The following GLP2R variants were observed in gnomAD, a reference collection of about 807,000 sequenced individuals.
The protein encoded by GLP2R is glucagon-like peptide 2 receptor.
In GLP2R, 59 loss-of-function variants were observed where a neutral mutation model predicts 68.2. That is an observed-to-expected ratio of 0.87 (90% CI 0.70 to 1.07). The LOEUF (loss-of-function observed/expected upper bound fraction) is 1.07, where lower values mean the gene tolerates loss of function less well. Ranked by LOEUF, GLP2R falls within the 50% of genes least tolerant of loss-of-function variation. GLP2R has a pLI of 0.00. For missense variants in GLP2R, 548 were observed against 677.4 expected, an observed-to-expected ratio of 0.81 and a Z score of 2.12; for synonymous variants, 270 against 265.4, an observed-to-expected ratio of 1.02 and a Z score of -0.17.
In GLP2R at chr17:9,836,413, C is replaced by A. The variant is rs1271549616; in HGVS notation, c.320C>A (p.Pro107His). 2.5e-6 allele frequency: 4 copies of A among 1,612,070 alleles called. No homozygotes were observed. The highest frequency in any genetic ancestry group is 3.4e-6 in the Non-Finnish European group (4 of 1,178,216). Residue 107 changes from proline to histidine, a missense_variant, in exon 3 of 13, where the codon CCT becomes CAT. Coordinates refer to ENST00000262441, the MANE Select transcript of GLP2R (RefSeq NM_004246.3). ...NGTFDQYVCW[P>H]HSSPGNVSVP... is the part of the protein sequence containing the mutation. ...ACATTTGATCAGTACGTGTGTTGGC[C>A]TCATTCTTCTCCTGGAAATGTCTCT...
At chr17:9,848,573 G>T (rs1455751692) in intron 4 of GLP2R, among the ~76,000 whole-genome samples, 6 of 152,064 alleles carry the variant, frequency 3.9e-5, no homozygotes, top group African/African-American at 1.4e-4. Context: ...TGAAAACTGC[G>T]CTTTCAAAAA....
At chr17:9,826,953 C>T (rs1465063828) in intron 1 of GLP2R, among the ~76,000 whole-genome samples, 1 of 152,128 alleles carries the variant, frequency 6.6e-6, no homozygotes, top group Admixed American at 6.5e-5. Flanking sequence ...CTCACTGCAA[C>T]CTCTGCCTCC....
At chr17:9,868,479 G>T (rs1417902869) in intron 9 of GLP2R, among the ~76,000 whole-genome samples, 2 of 152,092 alleles carry the variant, frequency 1.3e-5, no homozygotes, top group Non-Finnish European at 2.9e-5. Context: ...ATATATTTGG[G>T]GTCCTTAGCA....
chr17:9,887,869 A>C, intron 11 of GLP2R, 63 bp from the exon 12 acceptor site: 1 of 1,229,594 alleles, frequency 8.1e-7, no homozygotes, highest in Non-Finnish European at 1.2e-6. Context: ...GGACGTTGCC[A>C]GTAACTCTCA....
At chr17:9,843,840 C>CA (rs2066810857) in intron 4 of GLP2R, among the ~76,000 whole-genome samples, 1 of 152,170 alleles carries the variant, frequency 6.6e-6, no homozygotes, top group Non-Finnish European at 1.5e-5. Context: ...GAAGCATATA[C>CA]GATGGGTTAG....
At chr17:9,864,483 T>G (rs1237492796) in intron 9 of GLP2R, among the ~76,000 whole-genome samples, 4 of 81,826 alleles carry the variant, frequency 4.9e-5, no homozygotes, top group Admixed American at 2.7e-4. Context: ...GTTTTTTCTG[T>G]TTTTTTGTTT....
chr17:9,831,956 A>G (rs1243420346), intron 1 of GLP2R, among the ~76,000 whole-genome samples: 1 of 152,214 alleles, frequency 6.6e-6, no homozygotes, highest in Non-Finnish European at 1.5e-5. Flanking sequence ...CAAAGACGAC[A>G]GACCAGAATG....
intron 1 of GLP2R, among the ~76,000 whole-genome samples, chr17:9,828,635 T>C (rs1490003846): frequency 2.0e-5 from 3 of 152,174 alleles, no homozygotes. Context: ...ATGGTTGCGT[T>C]CGATGCTGTA....
intron 1 of GLP2R, among the ~76,000 whole-genome samples, chr17:9,833,228 C>T (rs1319034908): frequency 2.0e-5 from 3 of 151,488 alleles, no homozygotes; most frequent in African/African-American, 7.3e-5. Flanking sequence ...CGCACCATTG[C>T]ACTCCAGCCT....
rs1207904806 is a variant in GLP2R at position 9,882,913 on chromosome 17, A to G, written c.1284+2397A>G. 2.0e-5 allele frequency among the ~76,000 whole-genome samples: 3 copies of G among 151,686 alleles called. No homozygotes were observed. The East Asian group carries it at 5.8e-4, about 29-fold the overall frequency. ...AATCAGAATCCTGAGTTGTTATAAT[A>G]TATTATCTAAAACTTCCAGTTTTTT... is the stretch of plus-strand genomic sequence containing the variant. On this transcript the variant is annotated intron_variant, in intron 11 of 12. Transcript: ENST00000262441.
rs985883656 is a variant in GLP2R, at chr17:9,891,432, G to A, written c.*1727G>A. 6.6e-6 allele frequency: 1 copy of A among 152,250 alleles called. No homozygotes were observed. The highest frequency in any genetic ancestry group is 1.5e-5 in the Non-Finnish European group (1 of 68,038). The allele number at this position is 152,250 out of a possible 1,614,324, so 9.4% of individuals were successfully genotyped here. On this transcript the variant is annotated 3_prime_UTR_variant, in exon 13 of 13. Coordinates refer to ENST00000262441, the MANE Select transcript of GLP2R (RefSeq NM_004246.3). ...TTTATAGAAATGAAATTTGATTGGA[G>A]CCAGGGGCAGGATAAGGGTGAGGCA...
intron 4 of GLP2R, among the ~76,000 whole-genome samples, chr17:9,845,537 A>G (rs557683002): frequency 6.6e-6 from 1 of 152,256 alleles, no homozygotes; most frequent in East Asian, 1.9e-4. Context: ...ACCTCCTGGC[A>G]CACAATAGGC....
chr17:9,840,135 C>T (rs2066772207), intron 3 of GLP2R, among the ~76,000 whole-genome samples: 1 of 152,112 alleles, frequency 6.6e-6, no homozygotes, highest in Non-Finnish European at 1.5e-5. Context: ...CATCACCATA[C>T]CAAGCTAATT....
intron 1 of GLP2R, among the ~76,000 whole-genome samples, chr17:9,831,910 G>T (rs1339943578): frequency 6.6e-6 from 1 of 152,180 alleles, no homozygotes. Flanking sequence ...GTTTCTAATG[G>T]AGAGAACTGA....
chr17:9,859,737 TGAACCAGG>T (rs1186644152), intron 6 of GLP2R, among the ~76,000 whole-genome samples, 197 bp from the exon 7 acceptor site: 3 of 143,346 alleles, frequency 2.1e-5, no homozygotes, highest in African/African-American at 7.8e-5. Context: ...GAGAATCACT[TGAACCAGG>T]GAGCTGGAGG....
intron 1 of GLP2R, among the ~76,000 whole-genome samples, chr17:9,827,448 G>A (rs955471897): frequency 2.0e-5 from 3 of 152,162 alleles, no homozygotes; most frequent in Admixed American, 1.3e-4. Flanking sequence ...GTTAGTAAAT[G>A]TAGATCCATG....
chr17:9,867,140 G>A (rs1447817169), intron 9 of GLP2R, among the ~76,000 whole-genome samples: 1 of 152,116 alleles, frequency 6.6e-6, no homozygotes, highest in Non-Finnish European at 1.5e-5. Flanking sequence ...TTGAGCCTGG[G>A]CCCAATTTTG....
At chr17:9,886,533 G>A (rs887595560) in intron 11 of GLP2R, among the ~76,000 whole-genome samples, 4 of 152,172 alleles carry the variant, frequency 2.6e-5, no homozygotes, top group East Asian at 1.9e-4. Flanking sequence ...TACCTGTCCC[G>A]CCAACCGCAT....
chr17:9,886,195 C>T (rs2067242847), intron 11 of GLP2R, among the ~76,000 whole-genome samples: 1 of 152,220 alleles, frequency 6.6e-6, no homozygotes, highest in African/African-American at 2.4e-5. Flanking sequence ...TTCCTTGCTG[C>T]TTTGGAGGGT....
Sources: gnomAD v4.1 joint callset for allele counts (sites outside exome capture counted in the v4.1 genomes callset) on GRCh38, gnomAD v4.1.1 for gene constraint, MANE v1.5 for transcripts, NCBI Gene and HGNC (gene_info 2026-07-23, HGNC 2026-07-21) for gene names.